The following PXDN variants were observed in gnomAD, a reference collection of about 807,000 sequenced individuals.
PXDN encodes peroxidasin, also known as peroxidasin homolog.
Under a neutral mutation model 140.3 loss-of-function variants are expected in PXDN, and 77 were observed. That is an observed-to-expected ratio of 0.55 (90% CI 0.46 to 0.66). The LOEUF (loss-of-function observed/expected upper bound fraction) is 0.66, where lower values mean the gene tolerates loss of function less well. PXDN is among the 30% of genes least tolerant of loss of function. PXDN has a pLI of 0.00. For synonymous variants in PXDN, 911 were observed against 857.4 expected (o/e 1.06, Z -1.09); for missense variants, 1,838 against 2,039.5 (o/e 0.90, Z 1.90).
chr2:1,705,129 C>T lies in PXDN; in HGVS notation c.201-11995G>A, dbSNP rs940921769. On this transcript the variant is annotated intron_variant, in intron 1 of 22. Coordinates refer to ENST00000252804, the MANE Select transcript of PXDN (RefSeq NM_012293.3). ...GTGAGAGCCGTGAGAGCAGAGGGCA[C>T]GTCTGCACACATCCCAGTGCCCTGG... Among the ~76,000 whole-genome samples the T allele has an allele frequency of 7.9e-5, 12 of 152,048 alleles. No individual in the cohort carries two copies. The Middle Eastern group carries it at 0.01, about 131-fold the overall frequency.
At chr2:1,716,943 AC>A (rs1283728846) in intron 1 of PXDN, among the ~76,000 whole-genome samples, 1 of 152,186 alleles carries the variant, frequency 6.6e-6, no homozygotes, top group East Asian at 1.9e-4. Context: ...AGAAGGCGTC[AC>A]TAGCCTTGCC....
At chr2:1,733,468 A>G (rs750729063) in intron 1 of PXDN, among the ~76,000 whole-genome samples, 2 of 152,154 alleles carry the variant, frequency 1.3e-5, no homozygotes, top group Non-Finnish European at 2.9e-5. Flanking sequence ...GGCTGGGCGC[A>G]GTGCGGCTCA....
At position 1,649,064 on chromosome 2, in the gene PXDN, G is replaced by A; in HGVS notation, c.2716C>T (p.Leu906Phe). ...TTGGATGCGTCTATGTAGGAGGTGA[G>A]CTGGTTGATCTGCTCCCGCGGGTAC... Reference protein sequence around the residue: ...SVYPREQINQLTSYIDASNVY... With the variant: ...SVYPREQINQFTSYIDASNVY... Residue 906 changes from leucine to phenylalanine, a missense_variant, in exon 17 of 23, where the codon CTC (leucine) becomes TTC (phenylalanine). Coordinates refer to ENST00000252804, the MANE Select transcript of PXDN (RefSeq NM_012293.3). The surrounding 1 kb of genome is among the most constrained non-coding windows in gnomAD (Gnocchi z 7.1). 1 of 1,612,640 alleles carries A rather than the reference G, an allele frequency of 6.2e-7. No individual in the cohort carries two copies. Among genetic ancestry groups the A allele is most frequent in the Non-Finnish European group, 8.5e-7 (1 of 1,179,724 alleles).
intron 17 of PXDN, among the ~76,000 whole-genome samples, chr2:1,647,250 T>C (rs1258182999): frequency 6.6e-6 from 1 of 151,814 alleles, no homozygotes; most frequent in Non-Finnish European, 1.5e-5. Context: ...AGAAATAACA[T>C]GAAAAAAAAG....
chr2:1,728,460 TC>T (rs1685240643), intron 1 of PXDN, among the ~76,000 whole-genome samples: 2 of 152,170 alleles, frequency 1.3e-5, no homozygotes, highest in Non-Finnish European at 2.9e-5. Context: ...TTGGAGCACC[TC>T]CGCCATTATC....
rs765626714 is a variant in PXDN at position 1,714,974 on chromosome 2, G to T, written c.201-21840C>A. On this transcript the variant is annotated intron_variant, in intron 1 of 22. Transcript: ENST00000252804. The surrounding 1 kb of genome is among the most constrained non-coding windows in gnomAD (Gnocchi z 4.3). ...CAGGTTTTAGGCGACATATGAACACGCCACCCATTAATACAAAGCCCCCTC... is the reference window on the plus strand; with the variant it reads ...CAGGTTTTAGGCGACATATGAACACTCCACCCATTAATACAAAGCCCCCTC... Among the ~76,000 whole-genome samples, 2 of 151,984 alleles carry T rather than the reference G, an allele frequency of 1.3e-5. No individual in the cohort carries two copies. The highest frequency in any genetic ancestry group is 2.9e-5 in the Non-Finnish European group (2 of 68,010).
intron 14 of PXDN, 104 bp from the exon 15 acceptor site, chr2:1,654,612 C>A: frequency 6.0e-6 from 4 of 662,462 alleles, no homozygotes; most frequent in Non-Finnish European, 7.4e-6. Flanking sequence ...TACTTTTCTC[C>A]AAATGTTATT....
chr2:1,710,780 TCC>T (rs1183927383), intron 1 of PXDN, among the ~76,000 whole-genome samples: 1 of 51,006 alleles, frequency 2.0e-5, no homozygotes, highest in Non-Finnish European at 3.6e-5. Flanking sequence ...GCACCCACTC[TCC>T]ACCAGCACCC....
chr2:1,717,377 G>A (rs1456221234), intron 1 of PXDN, among the ~76,000 whole-genome samples: 4 of 152,082 alleles, frequency 2.6e-5, no homozygotes, highest in Non-Finnish European at 4.4e-5. Context: ...CCTCTCGCCC[G>A]GGGCTATCTG....
chr2:1,713,017 G>A (rs997826367), intron 1 of PXDN, among the ~76,000 whole-genome samples: 12 of 152,188 alleles, frequency 7.9e-5, no homozygotes, highest in African/African-American at 2.4e-4. Context: ...GAGCCACTGT[G>A]TCCGGCCGTT....
chr2:1,655,887 A>G (rs890630974), intron 14 of PXDN, among the ~76,000 whole-genome samples: 1 of 151,282 alleles, frequency 6.6e-6, no homozygotes, highest in Non-Finnish European at 1.5e-5. Context: ...ATCACACTAC[A>G]CTCAGATACA....
intron 3 of PXDN, among the ~76,000 whole-genome samples, chr2:1,689,318 T>C (rs1684134029): frequency 1.3e-5 from 2 of 152,230 alleles, no homozygotes; most frequent in African/African-American, 2.4e-5. Context: ...TCTGTGCCCA[T>C]TTATTTAAAA....
intron 1 of PXDN, among the ~76,000 whole-genome samples, chr2:1,724,312 G>GT (rs34475212): frequency 0.61 from 84,786 of 139,730 alleles, 26,748 homozygotes; most frequent in East Asian, 0.9. Flanking sequence ...CTGAATTTCC[G>GT]TTTTTTTTTT....
intron 8 of PXDN, among the ~76,000 whole-genome samples, chr2:1,675,432 C>G (rs1683677636): frequency 6.6e-6 from 1 of 152,192 alleles, no homozygotes; most frequent in South Asian, 2.1e-4. Context: ...ATGCACACAA[C>G]ATAATACTGC....
At chr2:1,637,843 T>G (rs62116575) in intron 21 of PXDN, among the ~76,000 whole-genome samples, 1 of 144,152 alleles carries the variant, frequency 6.9e-6, no homozygotes, top group Non-Finnish European at 1.5e-5. Flanking sequence ...ACCTGCGGCA[T>G]GCTGTCCACT....
At chr2:1,679,415 G>A (rs28622409) in intron 7 of PXDN, among the ~76,000 whole-genome samples, 19,988 of 135,086 alleles carry the variant, frequency 0.15, 3,141 homozygotes, top group African/African-American at 0.39. Context: ...TGGTATGTGC[G>A]TGTGTGGTGT....
At chr2:1,719,777 G>T (rs1207507715) in intron 1 of PXDN, among the ~76,000 whole-genome samples, 1 of 151,892 alleles carries the variant, frequency 6.6e-6, no homozygotes, top group Non-Finnish European at 1.5e-5. Context: ...GTGAACACTG[G>T]ATTGGTCAGG....
chr2:1,645,246 C>T (rs185296631), intron 17 of PXDN, among the ~76,000 whole-genome samples: 227 of 152,252 alleles, frequency 1.5e-3, no homozygotes, highest in African/African-American at 5.2e-3. Flanking sequence ...AAAATATCTG[C>T]TAAGCAAAGA....
intron 1 of PXDN, among the ~76,000 whole-genome samples, chr2:1,707,279 TAA>T: frequency 2.3e-5 from 2 of 88,876 alleles, no homozygotes; most frequent in African/African-American, 7.9e-5. Context: ...GCCCCACTAA[TAA>T]TACAATCTGA....
Sources: gnomAD v4.1 joint callset for allele counts (sites outside exome capture counted in the v4.1 genomes callset) on GRCh38, gnomAD v4.1.1 for gene constraint, Gnocchi (gnomAD v3.1) non-coding constraint, MANE v1.5 for transcripts, NCBI Gene and HGNC (gene_info 2026-07-23, HGNC 2026-07-21) for gene names.